NRXN1: variants seen among roughly 807,000 people sequenced by gnomAD.
NRXN1 encodes neurexin-1.
Under a neutral mutation model 150.9 loss-of-function variants are expected in NRXN1, and 39 were observed. The ratio of observed to expected loss-of-function variants is 0.26; its 90% CI spans 0.20 to 0.34. The LOEUF is 0.34. Ranked by LOEUF, NRXN1 falls within the 10% of genes least tolerant of loss-of-function variation. NRXN1 has a pLI of 1.00. For missense variants in NRXN1, 1,815 were observed against 1,949.9 expected (o/e 0.93, Z 1.30); for synonymous variants, 924 against 757.0 (o/e 1.22, Z -3.62).
At chr2:50,334,486 GC>G (rs1417186272) in intron 17 of NRXN1, among the ~76,000 whole-genome samples, 1 of 151,996 alleles carries the variant, frequency 6.6e-6, no homozygotes, top group Non-Finnish European at 1.5e-5. Context: ...CTTTCTTGAA[GC>G]TTTTACTGAT....
chr2:50,807,023 G>T (rs1046582572), intron 5 of NRXN1, among the ~76,000 whole-genome samples: 2 of 151,960 alleles, frequency 1.3e-5, no homozygotes, highest in African/African-American at 4.8e-5. Context: ...GGAATTCTGG[G>T]GGTAGCATAC....
At position 50,365,308 on chromosome 2, in the gene NRXN1, T is replaced by C. The variant is rs545938170; in HGVS notation, c.3364+100134A>G. On this transcript the variant is annotated intron_variant, in intron 17 of 22. Transcript: ENST00000401669. ...GAAAATTTGTAGCAGAAAACTACTC[T>C]GAAATGTCATGTGAAAATCCTAATC... is the stretch of plus-strand genomic sequence containing the variant. Among the ~76,000 whole-genome samples, 99 of 152,158 alleles carry C rather than the reference T, an allele frequency of 6.5e-4. 3 individuals carry two copies. In the South Asian group the frequency reaches 0.02, roughly 31 times the overall value.
At chr2:50,005,061 A>C (rs1469405926) in intron 21 of NRXN1, among the ~76,000 whole-genome samples, 1 of 152,116 alleles carries the variant, frequency 6.6e-6, no homozygotes, top group Non-Finnish European at 1.5e-5. Context: ...CAAAATAATA[A>C]CAAATATTCA....
At position 50,331,824 on chromosome 2, in the gene NRXN1, A is replaced by G. The variant is rs538770113; in HGVS notation, c.3365-94854T>C. On this transcript the variant is annotated intron_variant, in intron 17 of 22. Coordinates refer to ENST00000401669, the MANE Select transcript of NRXN1 (RefSeq NM_001330078.2). The stretch of plus-strand genomic sequence containing the variant: ...ATCTTAGGTAAAAAGTCGTAAGTTG[A>G]AGATATTAGTTGATAATGGCATAAG... Among the ~76,000 whole-genome samples, 71 of 152,288 alleles carry G rather than the reference A, an allele frequency of 4.7e-4. 1 individual carries two copies. The highest frequency in any genetic ancestry group is 2.6e-4 in the Admixed American group (4 of 15,304).
At chr2:50,177,351 T>C (rs2060415898) in intron 18 of NRXN1, among the ~76,000 whole-genome samples, 1 of 152,130 alleles carries the variant, frequency 6.6e-6, no homozygotes, top group Non-Finnish European at 1.5e-5. Flanking sequence ...ATAGTTGTTT[T>C]ATTACACCAA....
chr2:50,916,794 T>C (rs1462887224), intron 5 of NRXN1: 4 of 151,632 alleles, frequency 2.6e-5, no homozygotes, highest in Non-Finnish European at 5.9e-5. Context: ...ACAGAAAACT[T>C]TGCTTCACAG....
chr2:50,423,622 A>C (rs1459034425), intron 17 of NRXN1, among the ~76,000 whole-genome samples: 1 of 152,114 alleles, frequency 6.6e-6, no homozygotes, highest in African/African-American at 2.4e-5. Context: ...GATCCCCTAC[A>C]TATCTACTAG....
intron 5 of NRXN1, among the ~76,000 whole-genome samples, chr2:50,869,565 A>T (rs1677457367): frequency 6.6e-6 from 1 of 151,834 alleles, no homozygotes; most frequent in Non-Finnish European, 1.5e-5. Flanking sequence ...AATTTTAAAG[A>T]ACATTGATAT....
intron 5 of NRXN1, among the ~76,000 whole-genome samples, chr2:50,905,102 T>C (rs1313287488): frequency 6.6e-6 from 1 of 152,138 alleles, no homozygotes; most frequent in Non-Finnish European, 1.5e-5. Flanking sequence ...CTTCTTTTCC[T>C]CATATTATCA....
chr2:50,373,115 T>G (rs2080148660), intron 17 of NRXN1, among the ~76,000 whole-genome samples: 1 of 152,018 alleles, frequency 6.6e-6, no homozygotes, highest in East Asian at 1.9e-4. Context: ...TCTCAACAAG[T>G]ATGAGTGTAG....
intron 18 of NRXN1, among the ~76,000 whole-genome samples, chr2:50,108,829 A>G (rs1405920142): frequency 6.6e-6 from 1 of 152,136 alleles, no homozygotes; most frequent in Admixed American, 6.5e-5. Context: ...TCAATGCAAT[A>G]TGACAGGAAA....
chr2:50,670,539 G>A (rs930838476), intron 5 of NRXN1, among the ~76,000 whole-genome samples: 9 of 151,754 alleles, frequency 5.9e-5, no homozygotes, highest in Admixed American at 5.3e-4. Context: ...CATTACCATA[G>A]GATAGTTATT....
intron 17 of NRXN1, among the ~76,000 whole-genome samples, chr2:50,294,618 G>T (rs1195245896): frequency 6.6e-6 from 1 of 152,122 alleles, no homozygotes; most frequent in East Asian, 1.9e-4. Context: ...GATCCAGCCT[G>T]GGGTGGAGAG....
chr2:50,280,465 C>A (rs1295132282), intron 17 of NRXN1, among the ~76,000 whole-genome samples: 2 of 152,138 alleles, frequency 1.3e-5, no homozygotes, highest in African/African-American at 2.4e-5. Context: ...TGGCATGGAT[C>A]CTGATGAACC....
intron 2 of NRXN1, among the ~76,000 whole-genome samples, chr2:50,951,018 T>C (rs1275396021): frequency 6.6e-6 from 1 of 152,236 alleles, no homozygotes; most frequent in African/African-American, 2.4e-5. Context: ...AGGGCCTCTG[T>C]TCTGACCTCA....
At chr2:50,472,245 G>A (rs1277967660) in intron 16 of NRXN1, 53 bp downstream of exon 16, 2 of 1,435,806 alleles carry the variant, frequency 1.4e-6, no homozygotes, top group African/African-American at 2.9e-5. Flanking sequence ...TTCACTCTCA[G>A]TTAGACAGGT....
At chr2:50,137,251 TCAGCTGAACCCTGATATATACAAAC>T (rs1382877919) in intron 18 of NRXN1, among the ~76,000 whole-genome samples, 1 of 152,162 alleles carries the variant, frequency 6.6e-6, no homozygotes, top group African/African-American at 2.4e-5. Flanking sequence ...TTAATTAAAC[TCAGCTGAACCCTGATATATACAAAC>T]CAGTGATGCA....
intron 18 of NRXN1, among the ~76,000 whole-genome samples, chr2:50,195,266 G>A (rs1574434093): frequency 6.6e-6 from 1 of 152,080 alleles, no homozygotes; most frequent in Non-Finnish European, 1.5e-5. Context: ...CCTCATCAGC[G>A]ATCACTTCAA....
intron 8 of NRXN1, among the ~76,000 whole-genome samples, chr2:50,613,444 A>G (rs1029903006): frequency 3.3e-5 from 5 of 152,214 alleles, no homozygotes; most frequent in African/African-American, 9.6e-5. Context: ...ACAAAATGAC[A>G]TACTGTATAG....
Sources: allele counts gnomAD v4.1 joint callset (sites outside exome capture counted in the v4.1 genomes callset), GRCh38; gene constraint gnomAD v4.1.1; transcripts MANE v1.5; gene names NCBI Gene and HGNC (gene_info 2026-07-23, HGNC 2026-07-21).